TPR: variants seen among roughly 807,000 people sequenced by gnomAD.
TPR encodes translocated promoter region, nuclear basket protein.
TPR carries 51 observed loss-of-function variants against 316.1 expected under a neutral mutation model. The ratio of observed to expected loss-of-function variants is 0.16; its 90% confidence interval spans 0.13 to 0.20. TPR has a LOEUF of 0.20. TPR is among the 10% of genes least tolerant of loss of function. TPR has a pLI of 1.00. For missense variants in TPR, 2,272 were observed against 2,754.8 expected (o/e 0.82, Z 3.92); for synonymous variants, 981 against 914.7 (o/e 1.07, Z -1.31).
chr1:186,368,928 G>C (rs542809661), intron 3 of TPR, among the ~76,000 whole-genome samples: 1 of 152,220 alleles, frequency 6.6e-6, no homozygotes, highest in East Asian at 1.9e-4. Context: ...TTCGGTATAT[G>C]ATGTAAGCAA....
At chr1:186,320,912 G>C (rs976065314) in intron 45 of TPR, among the ~76,000 whole-genome samples, 3 of 152,116 alleles carry the variant, frequency 2.0e-5, no homozygotes, top group African/African-American at 7.2e-5. Flanking sequence ...TGCTTTCTTT[G>C]TTATCCTAAT....
chr1:186,336,416 A>T, intron 33 of TPR, 80 bp downstream of exon 33: 1 of 1,348,998 alleles, frequency 7.4e-7, no homozygotes, highest in Non-Finnish European at 1.0e-6. Flanking sequence ...GATACCTTTT[A>T]TTTCTATTCC....
intron 9 of TPR, 96 bp downstream of exon 9, chr1:186,361,526 C>CT: frequency 4.9e-6 from 6 of 1,226,784 alleles, no homozygotes; most frequent in Non-Finnish European, 5.8e-6. Flanking sequence ...CAAATAAAGT[C>CT]TAACACCTAA....
chr1:186,314,849 T>C, intron 49 of TPR, 125 bp from the exon 50 acceptor site: 1 of 548,998 alleles, frequency 1.8e-6, no homozygotes, highest in Non-Finnish European at 3.0e-6. Context: ...ATTTCAATTC[T>C]TTTTTTCAAA....
At chr1:186,360,189 A>C in intron 11 of TPR, 84 bp downstream of exon 11, 1 of 1,465,994 alleles carries the variant, frequency 6.8e-7, no homozygotes, top group Non-Finnish European at 9.3e-7. Context: ...TTTAAAAATA[A>C]GTTTTGGGAG....
intron 49 of TPR, among the ~76,000 whole-genome samples, chr1:186,316,180 G>A (rs1189697749): frequency 6.6e-6 from 1 of 151,872 alleles, no homozygotes; most frequent in Non-Finnish European, 1.5e-5. Flanking sequence ...AAATATAACT[G>A]GGGGCACAAA....
chr1:186,317,089 G>T (rs764238421), intron 49 of TPR, among the ~76,000 whole-genome samples: 4 of 152,166 alleles, frequency 2.6e-5, no homozygotes, highest in African/African-American at 4.8e-5. Flanking sequence ...GAGCTGCTGT[G>T]GTTCAAACAG....
chr1:186,353,663 G>A, intron 18 of TPR, 25 bp downstream of exon 18: 1 of 1,596,290 alleles, frequency 6.3e-7, no homozygotes, highest in South Asian at 1.1e-5. Context: ...TATAATGCAA[G>A]TTGGACAAGG....
At chr1:186,374,153 A>G (rs1659617859) in intron 1 of TPR, among the ~76,000 whole-genome samples, 1 of 152,194 alleles carries the variant, frequency 6.6e-6, no homozygotes, top group Non-Finnish European at 1.5e-5. Context: ...CCCCAAACAA[A>G]TGGTAAACCA....
intron 43 of TPR, among the ~76,000 whole-genome samples, chr1:186,323,102 C>T (rs1033228569): frequency 2.0e-5 from 3 of 152,086 alleles, no homozygotes; most frequent in Admixed American, 6.5e-5. Flanking sequence ...TTTACACATA[C>T]TATTTTATAG....
Position 186,341,290 on chromosome 1 carries a change from C to G in TPR, c.3850G>C (p.Glu1284Gln), listed in dbSNP as rs771134611. 6.2e-7 allele frequency: 1 copy of G among 1,614,028 alleles called. No homozygotes were observed. Among genetic ancestry groups the G allele is most frequent in the South Asian group, 1.1e-5 (1 of 91,080 alleles). The change falls in exon 28 of 51, where the codon GAG becomes CAG. Residue 1284 changes from glutamate to glutamine, a missense_variant. Glu to Gln is a conservative substitution (Grantham distance 29, BLOSUM62 2). Transcript: ENST00000367478. The part of the protein sequence containing the change: ...ETNKMLREEK[E>Q]RLEQDLQQMQ... ...TGCTGTAGATCCTGTTCTAGTCTCT[C>G]CTTCTCTTCTCTTAGCATTTTATTG...
At chr1:186,371,616 C>T (rs1439599553) in intron 2 of TPR, among the ~76,000 whole-genome samples, 1 of 151,926 alleles carries the variant, frequency 6.6e-6, no homozygotes, top group African/African-American at 2.4e-5. Flanking sequence ...CATAGGCTAA[C>T]TAGAAAAAAT....
In TPR at chr1:186,317,585, T is replaced by C; in HGVS notation, c.6837A>G (p.Ala2279=). The change falls in exon 49 of 51, where the codon GCA becomes GCG. Residue 2279 remains alanine (A), a synonymous_variant. Coordinates refer to ENST00000367478, the MANE Select transcript of TPR (RefSeq NM_003292.3). ...CCTGCTGGCTATCAATTTCTAGGCCTGCTTCTGAACTAATACTAAGGAAAA... is the reference window on the plus strand; with the variant it reads ...CCTGCTGGCTATCAATTTCTAGGCCCGCTTCTGAACTAATACTAAGGAAAA... ...EAESEGISSE[A]GLEIDSQQEE... 6.2e-7 allele frequency: 1 copy of C among 1,614,036 alleles called. No homozygotes were observed.
chr1:186,334,944 C>T, intron 35 of TPR, 124 bp downstream of exon 35: 1 of 968,544 alleles, frequency 1.0e-6, no homozygotes, highest in Non-Finnish European at 1.5e-6. Context: ...GCAGAGAAAA[C>T]AACTCTTTAG....
In TPR at chr1:186,351,941, T is replaced by A. The variant is rs865972917; in HGVS notation, c.2469+35A>T. ...AAAAAAAATCTAAATTTAACTTTTA[T>A]ACATTTTTTCTACATAGGCTTTTTA... is the stretch of plus-strand genomic sequence containing the variant. On this transcript the variant is annotated intron_variant, in intron 19 of 50. Transcript: ENST00000367478. The A allele has an allele frequency of 1.9e-6, 3 of 1,558,448 alleles. No homozygotes were observed. The African/African-American group carries it at 4.2e-5, about 22-fold the overall frequency.
Position 186,375,217 on chromosome 1 carries a change from C to T in TPR, c.-189G>A. ...AAATCGAGTCCACCCTCAGCGGCAG[C>T]GTTTCAGCAACAGCACCTCACCGCC... On this transcript the variant is annotated 5_prime_UTR_variant, in exon 1 of 51. Transcript: ENST00000367478. 1 of 1,487,800 alleles carries T rather than the reference C, an allele frequency of 6.7e-7. No homozygotes were observed. Among genetic ancestry groups the T allele is most frequent in the South Asian group, 1.3e-5 (1 of 76,666 alleles). 92.2% of individuals were successfully genotyped at this position (1,487,800 alleles called of 1,614,324 possible).
At position 186,375,025 on chromosome 1, in the gene TPR, C is replaced by G. The variant is rs759231573; in HGVS notation, c.4G>C (p.Ala2Pro). The G allele has an allele frequency of 1.2e-6, 2 of 1,614,090 alleles. No individual in the cohort carries two copies. Residue 2 changes from alanine to proline, a missense_variant, in exon 1 of 51, where the codon GCG becomes CCG. This residue lies in a region of TPR where 549 missense variants were observed against 598.6 expected (regional missense o/e 0.92). Transcript: ENST00000367478. ...TCCAGGACTTGCTGCAACACCGCCG[C>G]CATGTCGGTGGGGCCAGGGACCCCA... M[A>P]AVLQQVLERT...
rs1657470493 is a variant in TPR at position 186,313,934 on chromosome 1, A to G, written c.*37T>C. On this transcript the variant is annotated 3_prime_UTR_variant, in exon 51 of 51. Coordinates refer to ENST00000367478, the MANE Select transcript of TPR (RefSeq NM_003292.3). ...CAATCATTACACTAAAACAGATTTG[A>G]TAATCTTATTCACAGTTGTTATTGT... 1 of 1,597,436 alleles carries G rather than the reference A, an allele frequency of 6.3e-7. No individual in the cohort carries two copies. The highest frequency in any genetic ancestry group is 8.6e-7 in the Non-Finnish European group (1 of 1,166,414).
chr1:186,371,853 TAC>T (rs1445767542), intron 2 of TPR, among the ~76,000 whole-genome samples: 6 of 152,148 alleles, frequency 3.9e-5, no homozygotes, highest in Non-Finnish European at 7.4e-5. Flanking sequence ...AGTATATAAA[TAC>T]ACACACACGC....
Sources: gnomAD v4.1 joint callset for allele counts (sites outside exome capture counted in the v4.1 genomes callset) on GRCh38, gnomAD v4.1.1 for gene constraint, gnomAD v4.1.1 regional missense constraint, MANE v1.5 for transcripts, NCBI Gene and HGNC (gene_info 2026-07-23, HGNC 2026-07-21) for gene names.